Variants in PDE4B observed in about 807,000 individuals in gnomAD.
The protein encoded by PDE4B is 3',5'-cyclic-AMP phosphodiesterase 4B.
PDE4B carries 20 observed loss-of-function variants against 82.2 expected under a neutral mutation model. The ratio of observed to expected loss-of-function variants is 0.24; its 90% CI spans 0.17 to 0.35. The LOEUF is 0.35. PDE4B is among the 10% of genes least tolerant of loss of function. The pLI, the probability that PDE4B is intolerant of heterozygous loss-of-function variation, is 1.00. For synonymous variants in PDE4B, 320 were observed against 318.9 expected, an observed-to-expected ratio of 1.00 and a Z score of -0.04; for missense variants, 655 against 907.2, an observed-to-expected ratio of 0.72 and a Z score of 3.57.
chr1:65,825,750 C>CTATCTATT (rs1646009998), intron 1 of PDE4B, among the ~76,000 whole-genome samples: 2 of 151,558 alleles, frequency 1.3e-5, no homozygotes, highest in Non-Finnish European at 2.9e-5. Flanking sequence ...ATCTATCTAT[C>CTATCTATT]TATCTATCTC....
In PDE4B at chr1:66,123,387, C is replaced by T. The variant is rs79229204; in HGVS notation, c.282-124073C>T. ...TGCTTTCTAAGACACTTACTTTCAT[C>T]GGCACTTTCAGATTTTTGAATTATA... On this transcript the variant is annotated intron_variant, in intron 3 of 16. Transcript: ENST00000341517. Among the ~76,000 whole-genome samples the T allele has an allele frequency of 3.7e-3, 560 of 152,214 alleles. 3 individuals carry two copies. The highest frequency in any genetic ancestry group is 0.013 in the African/African-American group (530 of 41,530).
chr1:66,071,646 TG>T (rs1451893056), intron 3 of PDE4B, among the ~76,000 whole-genome samples: 1 of 152,104 alleles, frequency 6.6e-6, no homozygotes, highest in Non-Finnish European at 1.5e-5. Flanking sequence ...TGTCACCTCT[TG>T]TCATCTTCTT....
intron 4 of PDE4B, 95 bp downstream of exon 4, chr1:66,247,749 G>A (rs1653436107): frequency 7.4e-6 from 7 of 941,356 alleles, no homozygotes; most frequent in Non-Finnish European, 9.4e-6. Flanking sequence ...TTAATCTATG[G>A]TAAGGATGAA....
chr1:66,271,051 C>A (rs910772936), intron 7 of PDE4B, among the ~76,000 whole-genome samples: 2 of 152,088 alleles, frequency 1.3e-5, no homozygotes, highest in Admixed American at 6.5e-5. Context: ...GAAAGTTTAC[C>A]CCAGAGCATC....
chr1:66,224,916 G>A (rs752803897), intron 3 of PDE4B, among the ~76,000 whole-genome samples: 6 of 152,060 alleles, frequency 3.9e-5, no homozygotes, highest in Admixed American at 6.6e-5. Context: ...CCCGTCTGTC[G>A]CATTCTTACT....
At chr1:66,322,940 C>T (rs1033335097) in intron 7 of PDE4B, among the ~76,000 whole-genome samples, 3 of 152,074 alleles carry the variant, frequency 2.0e-5, no homozygotes, top group Non-Finnish European at 4.4e-5. Context: ...AATGGCAAAG[C>T]CAGATATCAA....
intron 3 of PDE4B, among the ~76,000 whole-genome samples, chr1:66,113,187 T>C (rs146817264): frequency 6.6e-6 from 1 of 152,376 alleles, no homozygotes; most frequent in Non-Finnish European, 1.5e-5. Flanking sequence ...GAAGTTGCAT[T>C]GCTGGGCTGC....
At chr1:65,861,287 C>A (rs1331288431) in intron 1 of PDE4B, among the ~76,000 whole-genome samples, 1 of 152,154 alleles carries the variant, frequency 6.6e-6, no homozygotes, top group African/African-American at 2.4e-5. Flanking sequence ...TTTCTCAGCA[C>A]CATTTATTAA....
intron 1 of PDE4B, among the ~76,000 whole-genome samples, chr1:65,860,736 A>G (rs1646444970): frequency 1.3e-5 from 2 of 152,078 alleles, no homozygotes; most frequent in African/African-American, 4.8e-5. Flanking sequence ...AATGATCACT[A>G]TTGTAACTGT....
chr1:66,136,359 T>C (rs1438056220), intron 3 of PDE4B, among the ~76,000 whole-genome samples: 2 of 152,192 alleles, frequency 1.3e-5, no homozygotes, highest in African/African-American at 4.8e-5. Context: ...GAAGTGGTAA[T>C]TGAAATGATG....
chr1:66,068,952 T>C (rs1656011475), intron 3 of PDE4B, among the ~76,000 whole-genome samples: 1 of 152,058 alleles, frequency 6.6e-6, no homozygotes, highest in African/African-American at 2.4e-5. Context: ...TTGAATTTTT[T>C]GTTGTCTTCA....
chr1:66,170,649 G>T (rs1431771358), intron 3 of PDE4B, among the ~76,000 whole-genome samples: 1 of 152,140 alleles, frequency 6.6e-6, no homozygotes, highest in East Asian at 1.9e-4. Flanking sequence ...TAGTTGATGA[G>T]TATGTCTTTT....
chr1:66,140,356 A>G (rs572473650), intron 3 of PDE4B, among the ~76,000 whole-genome samples: 35 of 152,322 alleles, frequency 2.3e-4, no homozygotes, highest in African/African-American at 8.4e-4. Context: ...AGAACCAGGA[A>G]ACAAAGGGCT....
chr1:66,371,094 C>CTACATATATATA (rs2050749443), intron 16 of PDE4B, among the ~76,000 whole-genome samples: 1 of 74,842 alleles, frequency 1.3e-5, no homozygotes, highest in Non-Finnish European at 2.8e-5. Context: ...ACACATCATA[C>CTACATATATATA]TATATATATA....
At chr1:66,052,596 C>A (rs1469126948) in intron 3 of PDE4B, among the ~76,000 whole-genome samples, 2 of 142,112 alleles carry the variant, frequency 1.4e-5, no homozygotes, top group Non-Finnish European at 3.1e-5. Flanking sequence ...TTTCTTTCCT[C>A]TTCTGTTTCT....
chr1:65,943,403 C>A (rs1648546559), intron 3 of PDE4B, among the ~76,000 whole-genome samples: 1 of 151,752 alleles, frequency 6.6e-6, no homozygotes, highest in South Asian at 2.1e-4. Flanking sequence ...ATTATTATTG[C>A]TTTGTGGTAT....
chr1:66,137,568 T>A (rs1360306224), intron 3 of PDE4B, among the ~76,000 whole-genome samples: 1 of 152,194 alleles, frequency 6.6e-6, no homozygotes, highest in Admixed American at 6.5e-5. Context: ...AACATACAGA[T>A]CTGGAATCTG....
chr1:65,924,249 T>C (rs1647376753), intron 3 of PDE4B, among the ~76,000 whole-genome samples: 1 of 146,866 alleles, frequency 6.8e-6, no homozygotes, highest in Non-Finnish European at 1.5e-5. Flanking sequence ...TAATTTTTTG[T>C]ATTTTTAGTA....
chr1:66,024,312 G>C (rs906289861), intron 3 of PDE4B, among the ~76,000 whole-genome samples: 1 of 152,080 alleles, frequency 6.6e-6, no homozygotes, highest in Non-Finnish European at 1.5e-5. Context: ...ATACCTTAGA[G>C]TTGGAAGTGC....
Sources: gnomAD v4.1 joint callset for allele counts (sites outside exome capture counted in the v4.1 genomes callset) on GRCh38, gnomAD v4.1.1 for gene constraint, MANE v1.5 for transcripts, NCBI Gene and HGNC (gene_info 2026-07-23, HGNC 2026-07-21) for gene names.